The following UBP1 variants were observed in gnomAD, a reference collection of about 807,000 sequenced individuals.
UBP1 encodes upstream-binding protein 1.
Under a neutral mutation model 76.1 loss-of-function variants are expected in UBP1, and 22 were observed. The observed-to-expected ratio is 0.29, with a 90% CI of 0.21 to 0.41. The LOEUF is 0.41. Ranked by LOEUF, UBP1 falls within the 10% of genes least tolerant of loss-of-function variation. The pLI, the probability that UBP1 is intolerant of heterozygous loss-of-function variation, is 1.00. For synonymous variants in UBP1, 224 were observed against 237.1 expected (o/e 0.94, Z 0.51); for missense variants, 436 against 668.1 (o/e 0.65, Z 3.83).
At chr3:33,417,578 T>A (rs1226821745) in intron 2 of UBP1, among the ~76,000 whole-genome samples, 1 of 152,228 alleles carries the variant, frequency 6.6e-6, no homozygotes, top group African/African-American at 2.4e-5. Flanking sequence ...ATTTGGGTTG[T>A]TTCCACTTTT....
At chr3:33,396,831 C>T (rs1161228192) in intron 12 of UBP1, 2 of 676,764 alleles carry the variant, frequency 3.0e-6, no homozygotes, top group East Asian at 2.9e-5. Context: ...ACCAGTCTTA[C>T]AGTCTACCTC....
chr3:33,396,916 A>C (rs768574919), intron 12 of UBP1, 129 bp downstream of exon 12: 24 of 835,802 alleles, frequency 2.9e-5, no homozygotes, highest in Non-Finnish European at 4.8e-5. Context: ...TGTGAGCACA[A>C]TGCTGCCAAT....
At chr3:33,405,287 A>G (rs1177547956) in intron 8 of UBP1, among the ~76,000 whole-genome samples, 1 of 152,238 alleles carries the variant, frequency 6.6e-6, no homozygotes, top group Non-Finnish European at 1.5e-5. Flanking sequence ...GGAAGAACAG[A>G]GTAAAATCTT....
chr3:33,434,681 A>ATTT (rs2045175257), intron 1 of UBP1, among the ~76,000 whole-genome samples: 5 of 91,876 alleles, frequency 5.4e-5, no homozygotes, highest in Admixed American at 2.3e-4. Context: ...GAATGGTTTT[A>ATTT]CTTTTTTTTT....
intron 11 of UBP1, 25 bp downstream of exon 11, chr3:33,400,164 C>T: frequency 7.1e-7 from 1 of 1,406,166 alleles, no homozygotes; most frequent in Non-Finnish European, 9.5e-7. Context: ...TTCTCATGCA[C>T]AGATACACAC....
chr3:33,416,508 T>C (rs571252132), intron 3 of UBP1, among the ~76,000 whole-genome samples: 33 of 152,358 alleles, frequency 2.2e-4, no homozygotes, highest in Admixed American at 2.0e-4. Flanking sequence ...GTTTTTGTTG[T>C]GGTGATGAGT....
At position 33,405,184 on chromosome 3, in the gene UBP1, TAAG is replaced by T. The variant is rs759879343; in HGVS notation, c.928-2283_928-2281del. Among the ~76,000 whole-genome samples, 8 of 152,108 alleles carry T rather than the reference TAAG, an allele frequency of 5.3e-5. 1 individual carries two copies. The highest frequency in any genetic ancestry group is 1.9e-4 in the East Asian group (1 of 5,190). On this transcript the variant is annotated intron_variant, in intron 8 of 15. Coordinates refer to ENST00000283629, the MANE Select transcript of UBP1 (RefSeq NM_014517.5). ...CTCAGGAATAAAAAATAAAAATAAA[TAAG>T]AAAAAAATTTTTAAAGATTTTCAGG...
At chr3:33,410,898 C>T (rs113200064) in intron 5 of UBP1, among the ~76,000 whole-genome samples, 2,114 of 151,706 alleles carry the variant, frequency 0.014, 21 homozygotes, top group South Asian at 0.026. Context: ...ATGGTGAAAC[C>T]CCCATCTCTA....
chr3:33,419,566 T>G (rs1013554433), intron 2 of UBP1, among the ~76,000 whole-genome samples: 1 of 146,066 alleles, frequency 6.8e-6, no homozygotes, highest in African/African-American at 2.6e-5. Context: ...AGGCGGAGGT[T>G]GCGGTGAGCC....
At chr3:33,397,598 C>T (rs1256072839) in intron 11 of UBP1, 1 of 152,236 alleles carries the variant, frequency 6.6e-6, no homozygotes, top group African/African-American at 2.4e-5. Flanking sequence ...AGTTGGTAGC[C>T]GAACTAGGAC....
At chr3:33,438,742 C>A (rs1016607924) in intron 1 of UBP1, among the ~76,000 whole-genome samples, 3 of 152,166 alleles carry the variant, frequency 2.0e-5, no homozygotes, top group Non-Finnish European at 4.4e-5. Context: ...GACCCAATTA[C>A]TTCAAGGAGC....
intron 14 of UBP1, 85 bp downstream of exon 14, chr3:33,393,219 CAAAAGAGG>C: frequency 7.7e-7 from 1 of 1,292,336 alleles, no homozygotes; most frequent in Non-Finnish European, 1.0e-6. Context: ...TAAGTATTTT[CAAAAGAGG>C]TCACAGAATT....
intron 7 of UBP1, 36 bp downstream of exon 7, chr3:33,409,200 G>T (rs1201772258): frequency 1.9e-6 from 3 of 1,596,354 alleles, no homozygotes; most frequent in East Asian, 4.5e-5. Flanking sequence ...TGCAACCTTT[G>T]CTTCTCTTCC....
At chr3:33,404,427 A>G (rs1253011030) in intron 8 of UBP1, among the ~76,000 whole-genome samples, 4 of 151,926 alleles carry the variant, frequency 2.6e-5, no homozygotes, top group East Asian at 1.9e-4. Flanking sequence ...AAATGAAAAT[A>G]GATAAATAAG....
chr3:33,398,686 C>T (rs191905163), intron 11 of UBP1, among the ~76,000 whole-genome samples: 13 of 152,318 alleles, frequency 8.5e-5, no homozygotes, highest in Admixed American at 2.0e-4. Flanking sequence ...CAGAAGGCCA[C>T]GCCATGTGAT....
At chr3:33,411,506 C>G (rs2044582054) in intron 5 of UBP1, 75 bp downstream of exon 5, 2 of 1,230,966 alleles carry the variant, frequency 1.6e-6, no homozygotes, top group African/African-American at 1.5e-5. Flanking sequence ...GGAAATGATA[C>G]TGTATCAAAA....
At position 33,439,771 on chromosome 3, in the gene UBP1, G is replaced by A. The variant is rs749617056; in HGVS notation, c.78C>T (p.Ile26=). Residue 26 remains isoleucine, a synonymous_variant, in exon 1 of 16, where the codon ATC becomes ATT. Coordinates refer to ENST00000283629, the MANE Select transcript of UBP1 (RefSeq NM_014517.5). ...AAGCGCCGGCGCCCAGTTCCTGCCC[G>A]ATGCCCGAGAGGCTGGCGTCGAAGT... ...VHDFDASLSG[I]GQELGAGAYS... 5.5e-5 allele frequency: 88 copies of A among 1,612,644 alleles called. No homozygotes were observed. Among genetic ancestry groups the A allele is most frequent in the Non-Finnish European group, 7.2e-5 (85 of 1,179,626 alleles).
At chr3:33,437,905 T>C (rs1427808919) in intron 1 of UBP1, among the ~76,000 whole-genome samples, 2 of 152,118 alleles carry the variant, frequency 1.3e-5, no homozygotes, top group Non-Finnish European at 2.9e-5. Flanking sequence ...GCAAGCACTC[T>C]CATCTCTTAG....
intron 2 of UBP1, among the ~76,000 whole-genome samples, chr3:33,419,171 AAGAC>A (rs2044816393): frequency 2.0e-5 from 3 of 152,256 alleles, no homozygotes; most frequent in African/African-American, 7.2e-5. Context: ...CCTGACCTCA[AAGAC>A]AGCCAGGAGC....
Sources: gnomAD v4.1 joint callset for allele counts (sites outside exome capture counted in the v4.1 genomes callset) on GRCh38, gnomAD v4.1.1 for gene constraint, MANE v1.5 for transcripts, NCBI Gene and HGNC (gene_info 2026-07-23, HGNC 2026-07-21) for gene names.